Variants in KL observed in about 807,000 individuals in gnomAD.
The protein encoded by KL is alpha-klotho.
In KL, 62 loss-of-function variants were observed where a neutral mutation model predicts 84.2. That is an observed-to-expected ratio of 0.74 (90% CI 0.60 to 0.91). The LOEUF (loss-of-function observed/expected upper bound fraction) is 0.91. KL is among the 40% of genes least tolerant of loss of function. The pLI is 0.00. For synonymous variants in KL, 528 were observed against 528.0 expected (o/e 1.00, Z 0.00); for missense variants, 1,261 against 1,305.7 (o/e 0.97, Z 0.53).
chr13:33,016,883 G>T lies in KL; in HGVS notation c.443G>T (p.Arg148Leu). The T allele has an allele frequency of 1.2e-6, 2 of 1,612,580 alleles. No homozygotes were observed. The highest frequency in any genetic ancestry group is 2.2e-5 in the South Asian group (2 of 91,058). ...CGCGAGCTCGGGGTCACTCACTACCGCTTCTCCATCTCGTGGGCGCGAGTG... is the reference window on the plus strand; with the variant it reads ...CGCGAGCTCGGGGTCACTCACTACCTCTTCTCCATCTCGTGGGCGCGAGTG... The part of the protein sequence containing the change: ...ALRELGVTHY[R>L]FSISWARVLP... Residue 148 changes from arginine (R) to leucine (L), a missense_variant, in exon 1 of 5, where the codon CGC becomes CTC. By Grantham distance (102) the Arg-to-Leu change is moderately radical. Coordinates refer to ENST00000380099, the MANE Select transcript of KL (RefSeq NM_004795.4).
At chr13:33,019,027 A>G (rs1385989523) in intron 1 of KL, among the ~76,000 whole-genome samples, 3 of 152,202 alleles carry the variant, frequency 2.0e-5, no homozygotes, top group Non-Finnish European at 4.4e-5. Flanking sequence ...TACACAAAAA[A>G]TTTGCCAAAC....
chr13:33,050,237 A>G (rs1428752813), intron 1 of KL, among the ~76,000 whole-genome samples: 2 of 152,246 alleles, frequency 1.3e-5, no homozygotes, highest in African/African-American at 2.4e-5. Flanking sequence ...CAATAACTTT[A>G]TTAAATCCCA....
At chr13:33,054,935 G>A (rs1242178670) in intron 2 of KL, 112 bp from the exon 3 acceptor site, 12 of 1,361,010 alleles carry the variant, frequency 8.8e-6, no homozygotes, top group South Asian at 2.4e-5. Context: ...CTTACCAAAC[G>A]AGAAGCATTA....
chr13:33,041,169 A>G (rs1227886202), intron 1 of KL, among the ~76,000 whole-genome samples: 1 of 152,084 alleles, frequency 6.6e-6, no homozygotes, highest in Admixed American at 6.5e-5. Context: ...TTCCATTTAC[A>G]TAAAGTCCCA....
At chr13:33,016,246 G>A (rs1870314519), upstream of KL, 1 of 151,730 alleles carries the variant, frequency 6.6e-6, no homozygotes, top group African/African-American at 2.4e-5. Context: ...CCCCTCCCGG[G>A]CACCCCTCGC....
Position 33,061,459 on chromosome 13 carries a change from A to G in KL, c.2380A>G (p.Lys794Glu). 3.7e-6 allele frequency: 6 copies of G among 1,614,262 alleles called. No individual in the cohort carries two copies. The highest frequency in any genetic ancestry group is 5.1e-6 in the Non-Finnish European group (6 of 1,180,038). Reference protein sequence around the residue: ...FLLPYFTEDEKKLIQGTFDFL... With the variant: ...FLLPYFTEDEEKLIQGTFDFL... ...TCTTCCTTATTTCACTGAAGATGAA[A>G]AAAAGCTAATCCAGGGTACCTTTGA... Residue 794 changes from lysine (K) to glutamate (E), a missense_variant, in exon 4 of 5, where the codon AAA (lysine) becomes GAA (glutamate). Coordinates refer to ENST00000380099, the MANE Select transcript of KL (RefSeq NM_004795.4).
chr13:33,055,029 C>T lies in KL; in HGVS notation c.1331-18C>T, dbSNP rs1046383482. ...CAGCGAAGGGTCATGTTGCTCTTGT[C>T]CCCTCTTCCCTTTGCAGCCATCAAG... On this transcript the variant is annotated intron_variant, in intron 2 of 4. Transcript: ENST00000380099. The T allele has an allele frequency of 1.1e-5, 18 of 1,613,984 alleles. No individual in the cohort carries two copies. In the Admixed American group the frequency reaches 2.3e-4, roughly 21 times the overall value.
At chr13:33,037,426 A>G (rs968128115) in intron 1 of KL, among the ~76,000 whole-genome samples, 13 of 152,180 alleles carry the variant, frequency 8.5e-5, no homozygotes, top group African/African-American at 3.1e-4. Flanking sequence ...CTAGCTGTGT[A>G]CTATGCATGA....
chr13:33,040,458 G>A (rs889694771), intron 1 of KL, among the ~76,000 whole-genome samples: 3 of 152,146 alleles, frequency 2.0e-5, no homozygotes, highest in Middle Eastern at 3.4e-3. Flanking sequence ...TTTTGAAAAC[G>A]GTCACCTTTA....
At chr13:33,049,098 G>A (rs1279865467) in intron 1 of KL, among the ~76,000 whole-genome samples, 1 of 152,142 alleles carries the variant, frequency 6.6e-6, no homozygotes, top group Non-Finnish European at 1.5e-5. Flanking sequence ...TGGATCATTA[G>A]CACATTATGA....
chr13:33,048,356 T>C (rs1225053772), intron 1 of KL, among the ~76,000 whole-genome samples: 1 of 152,248 alleles, frequency 6.6e-6, no homozygotes, highest in Non-Finnish European at 1.5e-5. Flanking sequence ...TTCTTACTTC[T>C]CAGGTAATGA....
rs189084711 is a variant in KL, at chr13:33,065,558, T to A, written c.*1372T>A. 233 of 183,766 alleles carry A rather than the reference T, an allele frequency of 1.3e-3. 2 individuals are homozygous for A. Among genetic ancestry groups the A allele is most frequent in the African/African-American group, 3.7e-3 (159 of 42,698 alleles). The allele number at this position is 183,766 out of a possible 1,614,324, so 11.4% of individuals were successfully genotyped here. On this transcript the variant is annotated 3_prime_UTR_variant, in exon 5 of 5. Coordinates refer to ENST00000380099, the MANE Select transcript of KL (RefSeq NM_004795.4). ...CACAGGGTCATAGTGTATAATAATA[T>A]ACTGTACTATATAATATATCATCTT...
At chr13:33,044,422 C>A (rs1871444959) in intron 1 of KL, among the ~76,000 whole-genome samples, 1 of 152,064 alleles carries the variant, frequency 6.6e-6, no homozygotes, top group Admixed American at 6.6e-5. Flanking sequence ...AATCTGATAA[C>A]AATATTGACT....
intron 1 of KL, among the ~76,000 whole-genome samples, chr13:33,043,732 G>T (rs761126826): frequency 6.6e-6 from 1 of 152,180 alleles, no homozygotes; most frequent in Non-Finnish European, 1.5e-5. Context: ...GTAGGCTTAC[G>T]TATTTATTTC....
intron 1 of KL, among the ~76,000 whole-genome samples, chr13:33,049,476 AAACACATAG>A: frequency 1.3e-5 from 2 of 152,368 alleles, no homozygotes. Context: ...ACCATCATAG[AAACACATAG>A]AACAGACATT....
chr13:33,044,017 A>AT (rs1468596283), intron 1 of KL, among the ~76,000 whole-genome samples: 1 of 152,100 alleles, frequency 6.6e-6, no homozygotes, highest in Non-Finnish European at 1.5e-5. Context: ...TCTGTCTCAA[A>AT]TTTTTATGCA....
At chr13:33,037,290 G>T (rs770563094) in intron 1 of KL, among the ~76,000 whole-genome samples, 7 of 151,808 alleles carry the variant, frequency 4.6e-5, no homozygotes, top group Non-Finnish European at 7.4e-5. Flanking sequence ...TAAATGTCTT[G>T]GCATGAGAAT....
intron 1 of KL, among the ~76,000 whole-genome samples, chr13:33,025,083 C>T (rs146726088): frequency 6.6e-6 from 1 of 152,258 alleles, no homozygotes; most frequent in African/African-American, 2.4e-5. Flanking sequence ...GATTCCTGCC[C>T]TCATGTCACA....
intron 1 of KL, among the ~76,000 whole-genome samples, chr13:33,033,905 G>A (rs1007019858): frequency 6.6e-6 from 1 of 151,854 alleles, no homozygotes; most frequent in Non-Finnish European, 1.5e-5. Flanking sequence ...GATAAAAACA[G>A]ACAAACACAA....
Sources: allele counts gnomAD v4.1 joint callset (sites outside exome capture counted in the v4.1 genomes callset), GRCh38; gene constraint gnomAD v4.1.1; transcripts MANE v1.5; gene names NCBI Gene and HGNC (gene_info 2026-07-23, HGNC 2026-07-21).